SHROOM3: variants seen among roughly 807,000 people sequenced by gnomAD.
The protein encoded by SHROOM3 is shroom family member 3, also known as protein Shroom3.
A neutral mutation model predicts 138.6 loss-of-function variants in SHROOM3; 47 were observed. The observed-to-expected ratio is 0.34, with a 90% CI of 0.27 to 0.43. The LOEUF (loss-of-function observed/expected upper bound fraction) is 0.43, where lower values mean the gene tolerates loss of function less well. Ranked by LOEUF, SHROOM3 falls within the 20% of genes least tolerant of loss-of-function variation. The pLI, the probability that SHROOM3 is intolerant of heterozygous loss-of-function variation, is 1.00. For synonymous variants in SHROOM3, 1,062 were observed against 1,063.3 expected, an observed-to-expected ratio of 1.00 and a Z score of 0.02; for missense variants, 2,491 against 2,596.5, an observed-to-expected ratio of 0.96 and a Z score of 0.88.
At chr4:76,496,041 T>G (rs1217001455) in intron 1 of SHROOM3, among the ~76,000 whole-genome samples, 5 of 152,204 alleles carry the variant, frequency 3.3e-5, no homozygotes, top group African/African-American at 1.2e-4. Context: ...ATATGTGTGA[T>G]GACCAAAATA....
chr4:76,720,853 G>A (rs576592677), intron 3 of SHROOM3, among the ~76,000 whole-genome samples: 3 of 151,362 alleles, frequency 2.0e-5, no homozygotes, highest in Admixed American at 6.6e-5. Flanking sequence ...CTCGTGGTCC[G>A]CCCACCTCGG....
chr4:76,635,534 A>T (rs546337120), intron 2 of SHROOM3, among the ~76,000 whole-genome samples: 95 of 152,316 alleles, frequency 6.2e-4, no homozygotes, highest in African/African-American at 2.2e-3. Flanking sequence ...CCTACCATTC[A>T]GGTTGTAGAA....
intron 2 of SHROOM3, among the ~76,000 whole-genome samples, chr4:76,564,667 A>G (rs540966273): frequency 2.0e-5 from 3 of 152,248 alleles, no homozygotes; most frequent in South Asian, 2.1e-4. Context: ...TTTTTATTCA[A>G]TGGGTTACAT....
At chr4:76,567,548 G>A (rs1276422721) in intron 2 of SHROOM3, among the ~76,000 whole-genome samples, 1 of 152,180 alleles carries the variant, frequency 6.6e-6, no homozygotes, top group African/African-American at 2.4e-5. Context: ...TACTTAGGAG[G>A]CTGAGGCAGG....
chr4:76,555,592 T>C lies in SHROOM3; in HGVS notation c.169-17T>C. 6.2e-7 allele frequency: 1 copy of C among 1,612,676 alleles called. No individual in the cohort carries two copies. Among genetic ancestry groups the C allele is most frequent in the Non-Finnish European group, 8.5e-7 (1 of 1,179,910 alleles). Reference sequence around the variant, plus strand: ...GGAAAGCTCACTCGTGGCTGTCGCATCTCTCCCTCCAAGCAGGTCGAAGAA... The same window carrying C: ...GGAAAGCTCACTCGTGGCTGTCGCACCTCTCCCTCCAAGCAGGTCGAAGAA... On this transcript the variant is annotated splice_polypyrimidine_tract_variant and intron_variant, in intron 1 of 10. Coordinates refer to ENST00000296043, the MANE Select transcript of SHROOM3 (RefSeq NM_020859.4).
intron 2 of SHROOM3, among the ~76,000 whole-genome samples, chr4:76,700,172 T>TAG (rs1483925420): frequency 2.0e-5 from 3 of 152,234 alleles, no homozygotes; most frequent in African/African-American, 7.2e-5. Context: ...GTTAAGAGCA[T>TAG]AGACTTTGTC....
intron 1 of SHROOM3, among the ~76,000 whole-genome samples, chr4:76,447,980 C>T (rs891144287): frequency 3.9e-5 from 6 of 151,956 alleles, no homozygotes; most frequent in African/African-American, 1.5e-4. Context: ...TGCCACCTTG[C>T]TTCTTTAACA....
intron 2 of SHROOM3, among the ~76,000 whole-genome samples, chr4:76,602,136 TA>T (rs1344306231): frequency 6.6e-6 from 1 of 152,200 alleles, no homozygotes; most frequent in Non-Finnish European, 1.5e-5. Flanking sequence ...CAGGAGCAAT[TA>T]CAGAACGTTC....
At chr4:76,511,167 A>G (rs530374366) in intron 1 of SHROOM3, among the ~76,000 whole-genome samples, 28 of 147,456 alleles carry the variant, frequency 1.9e-4, no homozygotes, top group African/African-American at 6.9e-4. Context: ...GGGCAACAAG[A>G]GGGAAACTCC....
rs569712071 is a variant in SHROOM3, at chr4:76,475,303, C to G, written c.168+39083C>G. ...GATTTGGAGAACTGGGAAGGGAAAA[C>G]ATAACTGTATTAGTCTAAGTCTCAA... On this transcript the variant is annotated intron_variant, in intron 1 of 10. Transcript: ENST00000296043. 7.1e-4 allele frequency among the ~76,000 whole-genome samples: 108 copies of G among 152,186 alleles called. 1 individual carries two copies. Among genetic ancestry groups the G allele is most frequent in the African/African-American group, 2.6e-3 (108 of 41,528 alleles).
chr4:76,779,971 A>G lies in SHROOM3; in HGVS notation c.*794A>G, dbSNP rs981253172. On this transcript the variant is annotated 3_prime_UTR_variant, in exon 11 of 11. Transcript: ENST00000296043. ...TTATTGCATCATTTCCTAGTGCTTC[A>G]TGTCATTATCACTGGTGGGGAAACA... 1 of 152,488 alleles carries G rather than the reference A, an allele frequency of 6.6e-6. No individual in the cohort carries two copies. The highest frequency in any genetic ancestry group is 6.5e-5 in the Admixed American group (1 of 15,274). 9.4% of individuals were successfully genotyped at this position (152,488 alleles called of 1,614,324 possible). A position where few individuals can be genotyped will look rare whatever the true frequency, so the allele number is the denominator to read the frequency against.
intron 2 of SHROOM3, among the ~76,000 whole-genome samples, chr4:76,700,539 A>G (rs1453304447): frequency 6.6e-6 from 1 of 152,100 alleles, no homozygotes; most frequent in East Asian, 1.9e-4. Context: ...CCCAGGACTT[A>G]TGGCGTGTAT....
rs1318271981 is a variant in SHROOM3, at chr4:76,691,487, A to C, written c.324-18669A>C. 2.0e-5 allele frequency among the ~76,000 whole-genome samples: 3 copies of C among 152,202 alleles called. 1 individual carries two copies. Among genetic ancestry groups the C allele is most frequent in the African/African-American group, 7.2e-5 (3 of 41,440 alleles). On this transcript the variant is annotated intron_variant, in intron 2 of 10. Coordinates refer to ENST00000296043, the MANE Select transcript of SHROOM3 (RefSeq NM_020859.4). Reference sequence around the variant, plus strand: ...GCCCTGTTTTGATTTATGTGAAACAAAGTTCTTCTTTTGGTAACAGATACG... The same window carrying C: ...GCCCTGTTTTGATTTATGTGAAACACAGTTCTTCTTTTGGTAACAGATACG...
chr4:76,732,042 C>T (rs1720902667), intron 4 of SHROOM3, among the ~76,000 whole-genome samples: 1 of 152,120 alleles, frequency 6.6e-6, no homozygotes, highest in Non-Finnish European at 1.5e-5. Flanking sequence ...AGCCTGACCA[C>T]CATCACACAT....
chr4:76,603,113 G>C (rs374914938), intron 2 of SHROOM3, among the ~76,000 whole-genome samples: 1 of 152,114 alleles, frequency 6.6e-6, no homozygotes, highest in East Asian at 1.9e-4. Flanking sequence ...CCTGGAGATA[G>C]TTATCTTTTA....
intron 1 of SHROOM3, among the ~76,000 whole-genome samples, chr4:76,554,883 C>A (rs1000240712): frequency 2.6e-5 from 4 of 152,048 alleles, no homozygotes; most frequent in Admixed American, 6.5e-5. Context: ...CCGAGCTCTG[C>A]CTCCTGTAAG....
chr4:76,711,928 G>A (rs1720241011), intron 3 of SHROOM3, among the ~76,000 whole-genome samples: 1 of 152,114 alleles, frequency 6.6e-6, no homozygotes, highest in Non-Finnish European at 1.5e-5. Flanking sequence ...GCCAAGAACA[G>A]GGTGAGATTC....
intron 2 of SHROOM3, among the ~76,000 whole-genome samples, chr4:76,659,413 G>C (rs1736136882): frequency 6.6e-6 from 1 of 152,182 alleles, no homozygotes. Context: ...ACAGCCCATA[G>C]TTTAAAACAT....
chr4:76,529,801 T>C (rs1732794407), intron 1 of SHROOM3, among the ~76,000 whole-genome samples: 1 of 152,230 alleles, frequency 6.6e-6, no homozygotes, highest in Non-Finnish European at 1.5e-5. Context: ...GCGAAGATTT[T>C]TTAAAAATCG....
Sources: allele counts gnomAD v4.1 joint callset (sites outside exome capture counted in the v4.1 genomes callset), GRCh38; gene constraint gnomAD v4.1.1; transcripts MANE v1.5; gene names NCBI Gene and HGNC (gene_info 2026-07-23, HGNC 2026-07-21).